ASTN2: variants seen among roughly 807,000 people sequenced by gnomAD.
ASTN2 encodes the protein astrotactin-2.
Under a neutral mutation model 139.8 loss-of-function variants are expected in ASTN2, and 54 were observed. That is an observed-to-expected ratio of 0.39 (90% CI 0.31 to 0.48). ASTN2 has a LOEUF of 0.48. Ranked by LOEUF, ASTN2 falls within the 20% of genes least tolerant of loss-of-function variation. The pLI, the probability that ASTN2 is intolerant of heterozygous loss-of-function variation, is 0.95. For missense variants in ASTN2, 1,565 were observed against 1,725.1 expected (o/e 0.91, Z 1.64); for synonymous variants, 756 against 719.5 (o/e 1.05, Z -0.81).
chr9:116,698,513 A>G lies in ASTN2; in HGVS notation c.2806+27258T>C, dbSNP rs1329194316. 1 of 1,613,838 alleles carries G rather than the reference A, an allele frequency of 6.2e-7. No individual in the cohort carries two copies. The highest frequency in any genetic ancestry group is 1.7e-5 in the Admixed American group (1 of 60,018). ...CAGATGTAGCACTACTGGAGGAGAC[A>G]GCTGATGAGGAGGAGCCAGAGCTCA... On this transcript the variant is annotated intron_variant, in intron 16 of 22. Coordinates refer to ENST00000313400, the MANE Select transcript of ASTN2 (RefSeq NM_001365068.1). This position sits in a 1 kb window ranked among gnomAD's most constrained non-coding sequence, Gnocchi z 4.4.
chr9:116,447,019 C>T (rs1848020955), intron 20 of ASTN2, among the ~76,000 whole-genome samples: 1 of 152,204 alleles, frequency 6.6e-6, no homozygotes, highest in Non-Finnish European at 1.5e-5. Flanking sequence ...GGAACCCCCT[C>T]ATTTGAGCTC....
intron 4 of ASTN2, among the ~76,000 whole-genome samples, chr9:117,132,648 G>A (rs1829853419): frequency 6.6e-6 from 1 of 152,190 alleles, no homozygotes; most frequent in Non-Finnish European, 1.5e-5. Context: ...TATGGAGGCA[G>A]TTGTGTGCTC....
intron 19 of ASTN2, among the ~76,000 whole-genome samples, chr9:116,502,682 A>AGAAGGAAGGAAGGAAGGAAG (rs60618068): frequency 1.0e-5 from 1 of 96,338 alleles, no homozygotes; most frequent in Non-Finnish European, 2.1e-5. Flanking sequence ...AAGAAAGGAA[A>AGAAGGAAGGAAGGAAGGAAG]GAAGGAAGGA....
intron 17 of ASTN2, among the ~76,000 whole-genome samples, chr9:116,645,530 C>T (rs1246567230): frequency 6.6e-6 from 1 of 152,042 alleles, no homozygotes; most frequent in Non-Finnish European, 1.5e-5. Flanking sequence ...TCGAGAATAC[C>T]TTGGTCCAGA....
intron 6 of ASTN2, among the ~76,000 whole-genome samples, chr9:117,008,951 CA>C (rs1364794621): frequency 6.6e-6 from 1 of 152,038 alleles, no homozygotes; most frequent in East Asian, 1.9e-4. Context: ...GTGAGATTTC[CA>C]AAGAAATCCC....
chr9:116,963,128 C>T (rs1232205902), intron 10 of ASTN2, among the ~76,000 whole-genome samples: 2 of 152,170 alleles, frequency 1.3e-5, no homozygotes, highest in Non-Finnish European at 2.9e-5. Context: ...CTGACCCTTA[C>T]ATCTGGAAAA....
At chr9:116,575,143 C>T (rs1410423074) in intron 19 of ASTN2, among the ~76,000 whole-genome samples, 8 of 152,086 alleles carry the variant, frequency 5.3e-5, no homozygotes, top group Non-Finnish European at 1.2e-4. Flanking sequence ...GGTGATGACA[C>T]CTGTATTTAC....
intron 1 of ASTN2, among the ~76,000 whole-genome samples, chr9:117,309,796 C>T (rs971692742): frequency 1.3e-5 from 2 of 152,118 alleles, no homozygotes; most frequent in African/African-American, 4.8e-5. Context: ...GTGTGGGAGG[C>T]AAGCAGATGG....
intron 13 of ASTN2, among the ~76,000 whole-genome samples, chr9:116,756,786 CACACACACACACAT>C (rs2132162087): frequency 6.6e-6 from 1 of 151,704 alleles, no homozygotes; most frequent in African/African-American, 2.4e-5. Flanking sequence ...CACACACACA[CACACACACACACAT>C]ACACACACAC....
intron 5 of ASTN2, among the ~76,000 whole-genome samples, chr9:117,066,786 T>A (rs1827960075): frequency 6.6e-6 from 1 of 151,814 alleles, no homozygotes; most frequent in Non-Finnish European, 1.5e-5. Flanking sequence ...ATGTGTTTTT[T>A]GGCTGCATAA....
chr9:116,981,215 T>G (rs1305535452), intron 7 of ASTN2, among the ~76,000 whole-genome samples: 1 of 152,234 alleles, frequency 6.6e-6, no homozygotes, highest in Non-Finnish European at 1.5e-5. Flanking sequence ...TTAATCATCC[T>G]GTATTCTAAT....
intron 16 of ASTN2, among the ~76,000 whole-genome samples, chr9:116,677,410 A>T (rs904585897): frequency 5.3e-5 from 8 of 152,310 alleles, no homozygotes; most frequent in South Asian, 2.1e-4. Context: ...GCATTGTGTT[A>T]TCTGACAGTT....
intron 19 of ASTN2, among the ~76,000 whole-genome samples, chr9:116,492,925 C>T (rs1236564966): frequency 6.6e-6 from 1 of 152,138 alleles, no homozygotes; most frequent in Non-Finnish European, 1.5e-5. Flanking sequence ...GGCCAGTCTT[C>T]CATATACTCA....
chr9:117,213,925 C>T (rs1195311359), intron 3 of ASTN2, among the ~76,000 whole-genome samples: 2 of 152,178 alleles, frequency 1.3e-5, no homozygotes, highest in African/African-American at 4.8e-5. Flanking sequence ...CCAAGAGCTG[C>T]TGCCTTGGAA....
At chr9:116,988,657 T>C (rs1001478551) in intron 7 of ASTN2, among the ~76,000 whole-genome samples, 1 of 152,132 alleles carries the variant, frequency 6.6e-6, no homozygotes, top group Non-Finnish European at 1.5e-5. Flanking sequence ...CTGACCTGCT[T>C]GACTCTGAAG....
At chr9:116,694,627 ATTTTTTTT>A (rs11340280) in intron 16 of ASTN2, among the ~76,000 whole-genome samples, 3 of 128,050 alleles carry the variant, frequency 2.3e-5, no homozygotes, top group Admixed American at 7.9e-5. Flanking sequence ...CGCCCAGCTA[ATTTTTTTT>A]TTTTTTTTTG....
chr9:116,632,385 A>C (rs1319270258), intron 17 of ASTN2, among the ~76,000 whole-genome samples: 1 of 151,964 alleles, frequency 6.6e-6, no homozygotes, highest in East Asian at 1.9e-4. Context: ...GCTTGAGGCC[A>C]GGAATTTGAG....
At chr9:116,754,594 G>A (rs1189864006) in intron 13 of ASTN2, among the ~76,000 whole-genome samples, 1 of 152,128 alleles carries the variant, frequency 6.6e-6, no homozygotes, top group Non-Finnish European at 1.5e-5. Flanking sequence ...ATGGTTCCTT[G>A]GGTATTACAC....
rs74523871 is a variant in ASTN2 at position 117,343,066 on chromosome 9, A to G, written c.443-51553T>C. On this transcript the variant is annotated intron_variant, in intron 1 of 22. Coordinates refer to ENST00000313400, the MANE Select transcript of ASTN2 (RefSeq NM_001365068.1). Reference sequence around the variant, plus strand: ...ACACTCACTTCAGAAAAACTAAAGTAGGAAGAGTCAGAAGTCTAACATCAG... The same window carrying G: ...ACACTCACTTCAGAAAAACTAAAGTGGGAAGAGTCAGAAGTCTAACATCAG... Among the ~76,000 whole-genome samples the G allele has an allele frequency of 2.6e-5, 4 of 152,336 alleles. No individual in the cohort carries two copies. The East Asian group carries it at 7.7e-4, about 29-fold the overall frequency.
Sources: gnomAD v4.1 joint callset for allele counts (sites outside exome capture counted in the v4.1 genomes callset) on GRCh38, gnomAD v4.1.1 for gene constraint, Gnocchi (gnomAD v3.1) non-coding constraint, MANE v1.5 for transcripts, NCBI Gene and HGNC (gene_info 2026-07-23, HGNC 2026-07-21) for gene names.